ADAMTS18: variants seen among roughly 807,000 people sequenced by gnomAD.
ADAMTS18 encodes A disintegrin and metalloproteinase with thrombospondin motifs 18.
ADAMTS18 carries 157 observed loss-of-function variants against 165.9 expected under a neutral mutation model. The observed-to-expected ratio is 0.95, with a 90% CI of 0.83 to 1.08. The LOEUF (loss-of-function observed/expected upper bound fraction) is 1.08. ADAMTS18 is among the 50% of genes least tolerant of loss of function. ADAMTS18 has a pLI of 0.00. For missense variants in ADAMTS18, 2,040 were observed against 1,534.0 expected (o/e 1.33, Z -5.51); for synonymous variants, 782 against 578.2 (o/e 1.35, Z -5.06).
At chr16:77,375,879 T>C (rs1409274466) in intron 3 of ADAMTS18, among the ~76,000 whole-genome samples, 1 of 147,870 alleles carries the variant, frequency 6.8e-6, no homozygotes, top group African/African-American at 2.5e-5. Context: ...ATGTCGTTTT[T>C]TCTTTCTTTC....
At chr16:77,379,103 T>C (rs1333130010) in intron 3 of ADAMTS18, 1 of 152,242 alleles carries the variant, frequency 6.6e-6, no homozygotes, top group Non-Finnish European at 1.5e-5. Context: ...GGTTTTAGTT[T>C]TGACTGGTTG....
chr16:77,381,500 G>C (rs2057029725), intron 3 of ADAMTS18, among the ~76,000 whole-genome samples: 1 of 152,148 alleles, frequency 6.6e-6, no homozygotes, highest in Non-Finnish European at 1.5e-5. Flanking sequence ...CTGAGGTTAA[G>C]TGGCATTAAA....
At chr16:77,340,268 G>A (rs1320786504) in intron 11 of ADAMTS18, among the ~76,000 whole-genome samples, 3 of 152,158 alleles carry the variant, frequency 2.0e-5, no homozygotes, top group Non-Finnish European at 1.5e-5. Context: ...TCTGCCTCCA[G>A]GATGCAAGTG....
intron 22 of ADAMTS18, among the ~76,000 whole-genome samples, chr16:77,289,058 CTG>C (rs1231196068): frequency 3.3e-5 from 5 of 152,194 alleles, no homozygotes; most frequent in Admixed American, 1.3e-4. Flanking sequence ...GCATGACAGA[CTG>C]AGACTGTCTG....
At chr16:77,420,045 A>T (rs1190000787) in intron 3 of ADAMTS18, among the ~76,000 whole-genome samples, 2 of 144,792 alleles carry the variant, frequency 1.4e-5, no homozygotes, top group African/African-American at 5.0e-5. Flanking sequence ...CCTACATTTT[A>T]GACACATTAT....
chr16:77,315,142 C>T (rs2055864121), intron 16 of ADAMTS18, among the ~76,000 whole-genome samples: 1 of 151,934 alleles, frequency 6.6e-6, no homozygotes, highest in Non-Finnish European at 1.5e-5. Flanking sequence ...CCTTCATTTT[C>T]TACCATCATG....
In ADAMTS18 at chr16:77,306,557, CT is replaced by C. The variant is rs528404187; in HGVS notation, c.2533-6154del. ...GTATTTGTTTCATTATTTAAGGCCT[CT>C]TTTTTTCTTCTTCTTCAAGAAGTTG... On this transcript the variant is annotated intron_variant, in intron 16 of 22. Transcript: ENST00000282849. Among the ~76,000 whole-genome samples the C allele has an allele frequency of 1.2e-4, 19 of 152,218 alleles. No homozygotes were observed. In the South Asian group the frequency reaches 3.5e-3, roughly 28 times the overall value.
chr16:77,361,502 T>G (rs1388248555), intron 7 of ADAMTS18, among the ~76,000 whole-genome samples: 2 of 152,320 alleles, frequency 1.3e-5, no homozygotes, highest in East Asian at 3.9e-4. Flanking sequence ...GCTACCTGAT[T>G]CTGTGGTCAT....
chr16:77,404,360 G>A (rs1283250578), intron 3 of ADAMTS18, among the ~76,000 whole-genome samples: 1 of 152,116 alleles, frequency 6.6e-6, no homozygotes, highest in Non-Finnish European at 1.5e-5. Context: ...ATTAGATTTA[G>A]GGGGGAAACA....
At chr16:77,302,705 T>C (rs1349820932) in intron 16 of ADAMTS18, among the ~76,000 whole-genome samples, 1 of 152,252 alleles carries the variant, frequency 6.6e-6, no homozygotes, top group African/African-American at 2.4e-5. Context: ...TTTGAGCTTC[T>C]AGGACTTATG....
chr16:77,382,499 C>A (rs1417049317), intron 3 of ADAMTS18, among the ~76,000 whole-genome samples: 1 of 152,280 alleles, frequency 6.6e-6, no homozygotes, highest in Admixed American at 6.5e-5. Context: ...TGTGAGCCAC[C>A]GTGCCTGGCC....
intron 3 of ADAMTS18, among the ~76,000 whole-genome samples, chr16:77,387,604 C>G (rs1227563067): frequency 6.6e-6 from 1 of 152,136 alleles, no homozygotes; most frequent in African/African-American, 2.4e-5. Context: ...CTTCCACTGC[C>G]ATGTCTTTCT....
At chr16:77,286,867 G>T (rs1231084755) in intron 22 of ADAMTS18, among the ~76,000 whole-genome samples, 1 of 152,168 alleles carries the variant, frequency 6.6e-6, no homozygotes, top group African/African-American at 2.4e-5. Flanking sequence ...TTTCTGAAGA[G>T]AATTTTATGT....
intron 3 of ADAMTS18, among the ~76,000 whole-genome samples, chr16:77,402,090 G>A (rs2880680): frequency 0.63 from 96,297 of 151,994 alleles, 31,195 homozygotes; most frequent in Non-Finnish European, 0.71. Flanking sequence ...CCTATAATAA[G>A]TTCCCTAGCT....
At chr16:77,322,136 C>T (rs1334576674) in intron 14 of ADAMTS18, among the ~76,000 whole-genome samples, 200 bp downstream of exon 14, 1 of 109,874 alleles carries the variant, frequency 9.1e-6, no homozygotes, top group African/African-American at 3.8e-5. Context: ...GCCTGGGTGA[C>T]AGAGTGAAAT....
chr16:77,383,986 A>G (rs148092458), intron 3 of ADAMTS18, among the ~76,000 whole-genome samples: 1 of 152,238 alleles, frequency 6.6e-6, no homozygotes, highest in Non-Finnish European at 1.5e-5. Flanking sequence ...AGCCTTTATC[A>G]TGACATGAGA....
intron 3 of ADAMTS18, among the ~76,000 whole-genome samples, chr16:77,426,076 G>C (rs2057668444): frequency 6.6e-6 from 1 of 151,866 alleles, no homozygotes; most frequent in African/African-American, 2.4e-5. Flanking sequence ...GAGTTGGTGG[G>C]GAGGAGTGGT....
intron 17 of ADAMTS18, among the ~76,000 whole-genome samples, chr16:77,297,775 T>G (rs1369570640): frequency 6.6e-6 from 1 of 152,030 alleles, no homozygotes; most frequent in Non-Finnish European, 1.5e-5. Flanking sequence ...GAAAAACCAT[T>G]CGTGAGTTAT....
At chr16:77,431,796 G>A in intron 2 of ADAMTS18, 185 bp from the exon 3 acceptor site, 2 of 656,528 alleles carry the variant, frequency 3.0e-6, no homozygotes, top group Non-Finnish European at 5.3e-6. Flanking sequence ...AACTAACTCG[G>A]CCACAGTCAT....
Sources: gnomAD v4.1 joint callset for allele counts (sites outside exome capture counted in the v4.1 genomes callset) on GRCh38, gnomAD v4.1.1 for gene constraint, MANE v1.5 for transcripts, NCBI Gene and HGNC (gene_info 2026-07-23, HGNC 2026-07-21) for gene names.